The following RIMKLB variants were observed in gnomAD, a reference collection of about 807,000 sequenced individuals.
The protein encoded by RIMKLB is ribosomal modification protein rimK like family member B.
Under a neutral mutation model 32.0 loss-of-function variants are expected in RIMKLB, and 7 were observed. The observed-to-expected ratio is 0.22, with a 90% confidence interval of 0.12 to 0.41. The LOEUF (loss-of-function observed/expected upper bound fraction) is 0.41, where lower values mean the gene tolerates loss of function less well. Ranked by LOEUF, RIMKLB falls within the 10% of genes least tolerant of loss-of-function variation. RIMKLB has a pLI of 1.00. For synonymous variants in RIMKLB, 172 were observed against 185.1 expected (o/e 0.93, Z 0.57); for missense variants, 289 against 498.7 (o/e 0.58, Z 4.00).
chr12:8,699,208 G>A (rs1943167208), intron 1 of RIMKLB, among the ~76,000 whole-genome samples: 1 of 152,118 alleles, frequency 6.6e-6, no homozygotes, highest in Admixed American at 6.5e-5. Flanking sequence ...TCTTTGTGGA[G>A]TTAGGTTCAA....
At chr12:8,753,289 A>G (rs1948767289) in intron 4 of RIMKLB, among the ~76,000 whole-genome samples, 1 of 152,180 alleles carries the variant, frequency 6.6e-6, no homozygotes, top group South Asian at 2.1e-4. Context: ...TACTTCTGCT[A>G]TATTCTCTTG....
In RIMKLB at chr12:8,782,414, C is replaced by CAT. The variant is rs534118696; in HGVS notation, c.*298-489_*298-488dup. ...ATCTTTGTGGTTTTATACACACACA[C>CAT]ATATATATATTTAACATAAGCTGTC... On this transcript the variant is annotated intron_variant, in intron 7 of 7. Coordinates refer to the RIMKLB transcript ENST00000619374. Among the ~76,000 whole-genome samples the CAT allele has an allele frequency of 1.7e-3, 254 of 152,104 alleles. 10 individuals are homozygous for CAT. In the South Asian group the frequency reaches 0.049, roughly 29 times the overall value.
chr12:8,774,346 G>A lies in RIMKLB; in HGVS notation c.*562G>A, dbSNP rs1439640925. ...ATTTCTTATTTTTTTGTTTTTTCCC[G>A]CTTAATTTGGTGGGAGGTCAAATTG... On this transcript the variant is annotated 3_prime_UTR_variant, in exon 6 of 6. Coordinates refer to ENST00000535829, the MANE Select transcript of RIMKLB (RefSeq NM_001297776.2). 2.9e-5 allele frequency: 29 copies of A among 985,476 alleles called. No individual in the cohort carries two copies. Among genetic ancestry groups the A allele is most frequent in the East Asian group, 1.1e-4 (1 of 8,818 alleles). The allele number at this position is 985,476 out of a possible 1,614,324, so 61.0% of individuals were successfully genotyped here.
chr12:8,752,009 C>T lies in RIMKLB; in HGVS notation c.459C>T (p.Phe153=). 4 of 1,613,412 alleles carry T rather than the reference C, an allele frequency of 2.5e-6. No homozygotes were observed. Among genetic ancestry groups the T allele is most frequent in the Non-Finnish European group, 3.4e-6 (4 of 1,179,506 alleles). Reference sequence around the variant, plus strand: ...TTGATGAGGCTGAAGTTCTGGAGTTCCCAATGGTAGTAAAGAATACGCGGG... The same window carrying T: ...TTGATGAGGCTGAAGTTCTGGAGTTTCCAATGGTAGTAAAGAATACGCGGG... ...KMIDEAEVLE[F]PMVVKNTRGH... is the part of the protein sequence containing the mutation. The change falls in exon 4 of 6, where the codon TTC becomes TTT. Residue 153 remains phenylalanine (F), a synonymous_variant. Coordinates refer to ENST00000535829, the MANE Select transcript of RIMKLB (RefSeq NM_001297776.2).
chr12:8,677,232 T>C (rs1942348424), upstream of RIMKLB, among the ~76,000 whole-genome samples: 1 of 152,178 alleles, frequency 6.6e-6, no homozygotes, highest in East Asian at 1.9e-4. Context: ...TGGGACAGAA[T>C]TGTCATCTTC....
intron 1 of RIMKLB, 47 bp from the exon 2 acceptor site, chr12:8,713,764 G>C: frequency 8.9e-7 from 1 of 1,123,804 alleles, no homozygotes; most frequent in Non-Finnish European, 1.3e-6. Context: ...CAGAAATCAA[G>C]TAGATTTCTT....
chr12:8,733,859 A>T (rs1015948393), intron 2 of RIMKLB, among the ~76,000 whole-genome samples: 3 of 152,204 alleles, frequency 2.0e-5, no homozygotes, highest in African/African-American at 7.2e-5. Context: ...AGCCTGGGTG[A>T]CACAGTGAGA....
At chr12:8,722,643 A>G (rs767982300) in intron 2 of RIMKLB, among the ~76,000 whole-genome samples, 1 of 152,354 alleles carries the variant, frequency 6.6e-6, no homozygotes, top group South Asian at 2.1e-4. Flanking sequence ...TTTAGCTGCT[A>G]TCAAAGTCCT....
chr12:8,680,208 C>T (rs147955530), upstream of RIMKLB, among the ~76,000 whole-genome samples: 954 of 152,288 alleles, frequency 6.3e-3, 8 homozygotes, highest in Non-Finnish European at 0.01. Flanking sequence ...CACGCTGGAG[C>T]GCAGTGGCGC....
At chr12:8,699,133 A>T (rs1943157184) in intron 1 of RIMKLB, among the ~76,000 whole-genome samples, 1 of 152,194 alleles carries the variant, frequency 6.6e-6, no homozygotes. Context: ...TGCTCAATGC[A>T]ACTGCTATGT....
downstream of RIMKLB, chr12:8,780,394 TCATA>T (rs1402299586): frequency 6.6e-6 from 1 of 152,224 alleles, no homozygotes; most frequent in African/African-American, 2.4e-5. Context: ...TGAACATGGA[TCATA>T]CAGTGTTTGA....
At chr12:8,769,117 C>G (rs574355509) in intron 5 of RIMKLB, among the ~76,000 whole-genome samples, 20 of 152,030 alleles carry the variant, frequency 1.3e-4, no homozygotes, top group Non-Finnish European at 1.5e-5. Flanking sequence ...CTTTTATTTA[C>G]AGTTGGTTCT....
chr12:8,700,630 T>A (rs903897950), intron 1 of RIMKLB: 1 of 152,226 alleles, frequency 6.6e-6, no homozygotes, highest in African/African-American at 2.4e-5. Context: ...TTTTATTGTA[T>A]GTTGCTTGCT....
rs767647977 is a variant in RIMKLB, at chr12:8,719,389, A to G, written c.175+5348A>G. ...TGTTTTGTTTTGTTTTGTTTTTGAG[A>G]TGGAGTTTCGCTCTTGTCGCCCAGG... On this transcript the variant is annotated intron_variant, in intron 2 of 5. Coordinates refer to ENST00000535829, the MANE Select transcript of RIMKLB (RefSeq NM_001297776.2). Among the ~76,000 whole-genome samples the G allele has an allele frequency of 6.6e-5, 10 of 152,004 alleles. No individual in the cohort carries two copies. In the East Asian group the frequency reaches 1.9e-3, roughly 29 times the overall value.
the RIMKLB span, among the ~76,000 whole-genome samples, chr12:8,671,922 A>AAAAC: frequency 9.2e-5 from 14 of 152,220 alleles, 1 homozygote; most frequent in Admixed American, 9.2e-4. Flanking sequence ...AAAACAAAAC[A>AAAAC]AAACAAAACA....
At chr12:8,704,218 C>T (rs1227120605) in intron 1 of RIMKLB, among the ~76,000 whole-genome samples, 1 of 151,772 alleles carries the variant, frequency 6.6e-6, no homozygotes, top group Non-Finnish European at 1.5e-5. Context: ...CCTGTCTCTA[C>T]CAAAAAATAC....
intron 2 of RIMKLB, among the ~76,000 whole-genome samples, chr12:8,734,108 C>T (rs1401078429): frequency 6.6e-6 from 1 of 151,906 alleles, no homozygotes. Flanking sequence ...TCTGGTAAGG[C>T]AAAGGAATGG....
chr12:8,782,668 T>TGA (rs1951162347), intron 7 of RIMKLB, among the ~76,000 whole-genome samples: 1 of 152,202 alleles, frequency 6.6e-6, no homozygotes, highest in African/African-American at 2.4e-5. Flanking sequence ...GATTTAGCTT[T>TGA]TATTTTTTAA....
intron 1 of RIMKLB, among the ~76,000 whole-genome samples, chr12:8,702,747 T>C (rs1188698923): frequency 1.3e-5 from 2 of 152,242 alleles, no homozygotes; most frequent in Non-Finnish European, 2.9e-5. Flanking sequence ...GTTAGTTTAT[T>C]CCTTTGACAT....
Sources: allele counts gnomAD v4.1 joint callset (sites outside exome capture counted in the v4.1 genomes callset), GRCh38; gene constraint gnomAD v4.1.1; transcripts MANE v1.5; gene names NCBI Gene and HGNC (gene_info 2026-07-23, HGNC 2026-07-21).